Variants in RAD17 observed in about 807,000 individuals in gnomAD.
The protein encoded by RAD17 is RAD17 checkpoint clamp loader component.
In RAD17, 31 loss-of-function variants were observed where a neutral mutation model predicts 81.5. That is an observed-to-expected ratio of 0.38 (90% CI 0.29 to 0.51). The LOEUF is 0.51. Among genes scored for constraint, RAD17 ranks in the 20% least tolerant of loss-of-function variants. RAD17 has a pLI of 0.88. For missense variants in RAD17, 681 were observed against 781.2 expected, an observed-to-expected ratio of 0.87 and a Z score of 1.53; for synonymous variants, 261 against 266.2, an observed-to-expected ratio of 0.98 and a Z score of 0.19.
chr5:69,384,770 TA>T, intron 7 of RAD17, 26 bp from the exon 8 acceptor site: 2 of 1,579,504 alleles, frequency 1.3e-6, no homozygotes. Context: ...TTGTTGAAAA[TA>T]AAAGTGGTTA....
chr5:69,393,647 G>A, intron 15 of RAD17, 147 bp downstream of exon 15: 1 of 704,532 alleles, frequency 1.4e-6, no homozygotes. Context: ...CCAACTCAGT[G>A]TTTATAATGA....
chr5:69,392,452 G>C (rs569193671), intron 13 of RAD17, among the ~76,000 whole-genome samples: 2 of 152,190 alleles, frequency 1.3e-5, no homozygotes, highest in African/African-American at 4.8e-5. Flanking sequence ...GATGTTTATC[G>C]CCTTTTCTGT....
chr5:69,371,253 C>A (rs943123039), intron 2 of RAD17, 82 bp downstream of exon 2: 2 of 549,420 alleles, frequency 3.6e-6, no homozygotes, highest in Non-Finnish European at 6.7e-6. Context: ...CTTAACACCA[C>A]AAGTAGATTA....
intron 7 of RAD17, among the ~76,000 whole-genome samples, chr5:69,384,505 C>T (rs538346819): frequency 6.6e-6 from 1 of 152,028 alleles, no homozygotes; most frequent in Non-Finnish European, 1.5e-5. Flanking sequence ...TTGTAGAGAC[C>T]GGGTTTCACC....
chr5:69,373,755 C>A, intron 4 of RAD17, 75 bp from the exon 5 acceptor site: 1 of 908,846 alleles, frequency 1.1e-6, no homozygotes, highest in Non-Finnish European at 1.7e-6. Context: ...ATGTTGTTTC[C>A]AGAGTAGTTC....
At chr5:69,377,435 G>GTGTATATATATATATATATA (rs1763410865) in intron 6 of RAD17, among the ~76,000 whole-genome samples, 1 of 23,060 alleles carries the variant, frequency 4.3e-5, no homozygotes, top group Admixed American at 8.4e-4. Flanking sequence ...GTGTGTGTGT[G>GTGTATATATATATATATATA]TGTGTATATA....
At chr5:69,391,718 A>G (rs1485984645) in intron 12 of RAD17, 113 bp from the exon 13 acceptor site, 7 of 876,184 alleles carry the variant, frequency 8.0e-6, no homozygotes, top group Admixed American at 7.3e-5. Flanking sequence ...ATTTTTGTTT[A>G]TTAGGAAAAC....
At chr5:69,411,176 C>T (rs1318038465) in intron 18 of RAD17, among the ~76,000 whole-genome samples, 2 of 151,438 alleles carry the variant, frequency 1.3e-5, no homozygotes, top group African/African-American at 2.4e-5. Context: ...TTTGGGAGCC[C>T]GAGGCAGGTG....
At chr5:69,390,221 T>C (rs190289508) in intron 12 of RAD17, among the ~76,000 whole-genome samples, 59 of 152,348 alleles carry the variant, frequency 3.9e-4, no homozygotes, top group African/African-American at 1.4e-3. Context: ...CAATTATGTT[T>C]TTTTCATTTA....
At chr5:69,406,568 C>A (rs1765615764) in intron 17 of RAD17, among the ~76,000 whole-genome samples, 1 of 152,092 alleles carries the variant, frequency 6.6e-6, no homozygotes, top group South Asian at 2.1e-4. Context: ...GTGGTATGAT[C>A]ACGGCTCACT....
In RAD17 at chr5:69,386,385, A is replaced by G; in HGVS notation, c.825-11A>G. The stretch of plus-strand genomic sequence containing the variant: ...AATCATTTAACTGCTATCTTTCTTT[A>G]TAAAACTTAGTTTCAACCCTGTGGC... On this transcript the variant is annotated splice_polypyrimidine_tract_variant and intron_variant, in intron 10 of 18. Transcript: ENST00000354868. The G allele has an allele frequency of 6.3e-7, 1 of 1,591,904 alleles. No homozygotes were observed. The highest frequency in any genetic ancestry group is 8.5e-7 in the Non-Finnish European group (1 of 1,172,434).
intron 11 of RAD17, among the ~76,000 whole-genome samples, chr5:69,387,158 A>AGAGGATCAG (rs1422130800): frequency 6.6e-6 from 1 of 152,078 alleles, no homozygotes; most frequent in Non-Finnish European, 1.5e-5. Context: ...TTCCTGGCTC[A>AGAGGATCAG]AGTGATCCTC....
intron 17 of RAD17, among the ~76,000 whole-genome samples, chr5:69,406,546 A>G (rs1478218698): frequency 1.3e-5 from 2 of 152,052 alleles, no homozygotes; most frequent in Non-Finnish European, 2.9e-5. Context: ...TTGTCACCCA[A>G]GCTGGATTGT....
chr5:69,381,906 A>G lies in RAD17; in HGVS notation c.357A>G (p.Gly119=), dbSNP rs199971023. 3.8e-6 allele frequency: 6 copies of G among 1,587,522 alleles called. No individual in the cohort carries two copies. The African/African-American group carries it at 8.1e-5, about 22-fold the overall frequency. ...ATATTTGTATTTGATTTTAGGGTGG[A>G]TCTATTTTATTAATAACAGGTCCTC... The part of the protein sequence containing the change: ...QVLERQPKQG[G]SILLITGPPG... Residue 119 remains glycine, a synonymous_variant, in exon 7 of 19, where the codon GGA becomes GGG. Transcript: ENST00000354868.
intron 2 of RAD17, 21 bp from the exon 3 acceptor site, chr5:69,371,430 GCTT>G: frequency 1.9e-6 from 1 of 531,972 alleles, no homozygotes; most frequent in South Asian, 3.1e-5. Flanking sequence ...TCATTTGAGG[GCTT>G]CTTCCCCCCC....
chr5:69,375,430 C>T (rs1224848254), intron 6 of RAD17, among the ~76,000 whole-genome samples: 1 of 151,976 alleles, frequency 6.6e-6, no homozygotes, highest in Non-Finnish European at 1.5e-5. Context: ...TACCTTGAAC[C>T]CCCAAGGTAG....
chr5:69,381,750 C>A, intron 6 of RAD17, 151 bp from the exon 7 acceptor site: 2 of 550,500 alleles, frequency 3.6e-6, no homozygotes, highest in Non-Finnish European at 5.9e-6. Flanking sequence ...CTGGTTTATT[C>A]CAGCAAGCAT....
chr5:69,403,371 G>A (rs1765391049), intron 17 of RAD17, among the ~76,000 whole-genome samples: 1 of 152,080 alleles, frequency 6.6e-6, no homozygotes, highest in Non-Finnish European at 1.5e-5. Flanking sequence ...TTCAGGATAT[G>A]TATTTTTTTG....
chr5:69,371,934 A>G, intron 3 of RAD17, 100 bp from the exon 4 acceptor site: 1 of 554,030 alleles, frequency 1.8e-6, no homozygotes, highest in East Asian at 3.6e-5. Context: ...AGACAGTTTC[A>G]TGCATGCAGG....
Sources: gnomAD v4.1 joint callset for allele counts (sites outside exome capture counted in the v4.1 genomes callset) on GRCh38, gnomAD v4.1.1 for gene constraint, MANE v1.5 for transcripts, NCBI Gene and HGNC (gene_info 2026-07-23, HGNC 2026-07-21) for gene names.